The following ATP11B variants were observed in gnomAD, a reference collection of about 807,000 sequenced individuals.
ATP11B encodes the protein phospholipid-transporting ATPase IF.
In ATP11B, 81 loss-of-function variants were observed where a neutral mutation model predicts 157.8. The observed-to-expected ratio is 0.51, with a 90% CI of 0.43 to 0.62. ATP11B has a LOEUF of 0.62. Among genes scored for constraint, ATP11B ranks in the 20% least tolerant of loss-of-function variants. The pLI is 0.00. For synonymous variants in ATP11B, 451 were observed against 469.4 expected (o/e 0.96, Z 0.51); for missense variants, 1,165 against 1,402.2 (o/e 0.83, Z 2.70).
intron 10 of ATP11B, among the ~76,000 whole-genome samples, chr3:182,850,011 A>C (rs960407515): frequency 6.6e-6 from 1 of 152,114 alleles, no homozygotes; most frequent in African/African-American, 2.4e-5. Flanking sequence ...GGAGCCGAAG[A>C]GAAATGCATC....
chr3:182,817,282 T>G (rs371598784), intron 1 of ATP11B, among the ~76,000 whole-genome samples: 109 of 152,134 alleles, frequency 7.2e-4, no homozygotes, highest in South Asian at 3.1e-3. Context: ...CCGTTTTTTT[T>G]TTTGTTTGTT....
chr3:182,829,917 T>A, intron 4 of ATP11B, 165 bp downstream of exon 4: 2 of 984,934 alleles, frequency 2.0e-6, no homozygotes, highest in Non-Finnish European at 2.4e-6. Flanking sequence ...CTCTGTTATA[T>A]TTCAGGTACC....
intron 10 of ATP11B, among the ~76,000 whole-genome samples, chr3:182,849,829 AT>A (rs1353992892): frequency 1.3e-5 from 2 of 152,184 alleles, no homozygotes; most frequent in African/African-American, 4.8e-5. Context: ...GAATAAAAAT[AT>A]TTGAAAAAAT....
Position 182,845,009 on chromosome 3 carries a change from T to TTTTA in ATP11B, c.705-446_705-445insATTT, listed in dbSNP as rs1560081887. Among the ~76,000 whole-genome samples the TTTTA allele has an allele frequency of 6.1e-4, 68 of 112,104 alleles. 2 individuals carry two copies. The highest frequency in any genetic ancestry group is 1.4e-3 in the South Asian group (5 of 3,652). The allele number at this position is 112,104 out of a possible 152,430, so 73.5% of individuals were successfully genotyped here. The stretch of plus-strand genomic sequence containing the variant: ...TTTTTTTTTTATTTTTTTTTTTATT[T>TTTTA]TTTTTTATTTTTGAGATGGAGTCTC... On this transcript the variant is annotated intron_variant, in intron 8 of 29. Transcript: ENST00000323116.
chr3:182,821,805 G>A (rs1040007664), intron 2 of ATP11B, among the ~76,000 whole-genome samples: 3 of 152,200 alleles, frequency 2.0e-5, no homozygotes, highest in Admixed American at 6.5e-5. Flanking sequence ...TGAGGGTAAA[G>A]TTTTCCTTAT....
chr3:182,858,422 T>C (rs1375831228), intron 11 of ATP11B, among the ~76,000 whole-genome samples: 2 of 152,240 alleles, frequency 1.3e-5, no homozygotes, highest in Non-Finnish European at 2.9e-5. Context: ...GTTATCAGTC[T>C]TAATATGAAG....
intron 1 of ATP11B, among the ~76,000 whole-genome samples, chr3:182,816,013 G>A (rs1283128432): frequency 2.0e-5 from 3 of 151,912 alleles, no homozygotes; most frequent in African/African-American, 4.8e-5. Flanking sequence ...GAGGAGTCCC[G>A]TTCAAATCAA....
At position 182,837,180 on chromosome 3, in the gene ATP11B, G is replaced by A. The variant is rs1219392400; in HGVS notation, c.656+6G>A. 2 of 1,572,968 alleles carry A rather than the reference G, an allele frequency of 1.3e-6. No individual in the cohort carries two copies. The highest frequency in any genetic ancestry group is 8.7e-7 in the Non-Finnish European group (1 of 1,144,394). The stretch of plus-strand genomic sequence containing the variant: ...CCAGAAGCAGACTTATACAGGTATG[G>A]TGTGATATTCAGTATACTTATTTTA... On this transcript the variant is annotated splice_donor_region_variant and intron_variant, in intron 7 of 29. Coordinates refer to ENST00000323116, the MANE Select transcript of ATP11B (RefSeq NM_014616.3).
intron 19 of ATP11B, among the ~76,000 whole-genome samples, chr3:182,876,105 T>G (rs911328278): frequency 6.6e-6 from 1 of 152,032 alleles, no homozygotes; most frequent in Non-Finnish European, 1.5e-5. Flanking sequence ...TATCCAGGTG[T>G]GGGGGTGTGT....
intron 1 of ATP11B, among the ~76,000 whole-genome samples, chr3:182,816,052 C>G: frequency 6.6e-6 from 1 of 152,092 alleles, no homozygotes; most frequent in East Asian, 1.9e-4. Flanking sequence ...CAGTACTTCC[C>G]CTGTCTGCCA....
intron 22 of ATP11B, 73 bp from the exon 23 acceptor site, chr3:182,885,878 A>ATTT: frequency 9.2e-7 from 1 of 1,090,300 alleles, no homozygotes; most frequent in Admixed American, 3.6e-5. Flanking sequence ...TTTAACAGCC[A>ATTT]TTTTTTTTAT....
intron 15 of ATP11B, 49 bp downstream of exon 15, chr3:182,867,493 G>T: frequency 8.2e-7 from 1 of 1,219,906 alleles, no homozygotes; most frequent in Non-Finnish European, 1.2e-6. Flanking sequence ...AGTGTATATA[G>T]TATAGAATAA....
At chr3:182,845,398 T>G in intron 8 of ATP11B, 60 bp from the exon 9 acceptor site, 1 of 1,411,524 alleles carries the variant, frequency 7.1e-7, no homozygotes, top group South Asian at 1.3e-5. Context: ...AGATGCCATT[T>G]CAGAATTGAA....
intron 10 of ATP11B, among the ~76,000 whole-genome samples, chr3:182,855,461 G>A (rs889579753): frequency 6.6e-6 from 1 of 152,152 alleles, no homozygotes; most frequent in Admixed American, 6.5e-5. Context: ...AGGACTTAGT[G>A]TTAGACAAAG....
At chr3:182,899,450 C>T (rs902074116) in intron 28 of ATP11B, among the ~76,000 whole-genome samples, 1 of 151,456 alleles carries the variant, frequency 6.6e-6, no homozygotes, top group Non-Finnish European at 1.5e-5. Flanking sequence ...TGCACCTGGC[C>T]GAGTAATATT....
At chr3:182,841,843 G>A (rs575317272) in intron 7 of ATP11B, among the ~76,000 whole-genome samples, 1 of 151,802 alleles carries the variant, frequency 6.6e-6, no homozygotes, top group East Asian at 1.9e-4. Context: ...GCCAGGTGTG[G>A]TGGCGGGCAC....
At chr3:182,821,777 G>A (rs540113111) in intron 2 of ATP11B, among the ~76,000 whole-genome samples, 2 of 152,160 alleles carry the variant, frequency 1.3e-5, no homozygotes, top group Admixed American at 6.5e-5. Context: ...AGTTATAGAG[G>A]ATATGAGTCA....
intron 2 of ATP11B, among the ~76,000 whole-genome samples, chr3:182,827,656 T>A (rs1440487678): frequency 6.6e-6 from 1 of 151,980 alleles, no homozygotes; most frequent in Non-Finnish European, 1.5e-5. Context: ...TCTAGGTTAT[T>A]TCCTCATATT....
chr3:182,901,740 A>G (rs1013641822), intron 28 of ATP11B, among the ~76,000 whole-genome samples: 13 of 152,238 alleles, frequency 8.5e-5, no homozygotes, highest in African/African-American at 2.7e-4. Context: ...AAAGGAATAC[A>G]TAGGAAATAT....
Sources: gnomAD v4.1 joint callset for allele counts (sites outside exome capture counted in the v4.1 genomes callset) on GRCh38, gnomAD v4.1.1 for gene constraint, MANE v1.5 for transcripts, NCBI Gene and HGNC (gene_info 2026-07-23, HGNC 2026-07-21) for gene names.